The following UXS1 variants were observed in gnomAD, a reference collection of about 807,000 sequenced individuals.
UXS1 encodes the protein UDP-glucuronate decarboxylase 1, also known as UDP-glucuronic acid decarboxylase 1.
UXS1 carries 33 observed loss-of-function variants against 62.6 expected under a neutral mutation model. The observed-to-expected ratio is 0.53, with a 90% CI of 0.40 to 0.70. UXS1 has a LOEUF of 0.70. Among genes scored for constraint, UXS1 ranks in the 30% least tolerant of loss-of-function variants. The pLI is 0.00. For missense variants in UXS1, 434 were observed against 556.3 expected (o/e 0.78, Z 2.21); for synonymous variants, 213 against 206.8 (o/e 1.03, Z -0.26).
In UXS1 at chr2:106,169,523, C is replaced by T. The variant is rs573008253; in HGVS notation, c.95-3440G>A. Among the ~76,000 whole-genome samples the T allele has an allele frequency of 2.6e-5, 4 of 152,140 alleles. No individual in the cohort carries two copies. The South Asian group carries it at 6.2e-4, about 24-fold the overall frequency. ...GCCGGCCTGCGCAAACTGGTGAAAA[C>T]CCCATCTCAAAAAATTAGCCAGGGG... On this transcript the variant is annotated intron_variant, in intron 1 of 14. Transcript: ENST00000283148.
chr2:106,128,518 T>C (rs1680158673), intron 7 of UXS1, among the ~76,000 whole-genome samples: 1 of 152,156 alleles, frequency 6.6e-6, no homozygotes, highest in Non-Finnish European at 1.5e-5. Flanking sequence ...TCCAGTCCCT[T>C]ACAGGCTTGA....
chr2:106,170,124 C>T (rs1683459536), intron 1 of UXS1, among the ~76,000 whole-genome samples: 1 of 152,142 alleles, frequency 6.6e-6, no homozygotes, highest in Non-Finnish European at 1.5e-5. Context: ...CTCAGACCTC[C>T]ACGCTTCGCC....
intron 1 of UXS1, among the ~76,000 whole-genome samples, chr2:106,170,185 T>C (rs1248587406): frequency 6.6e-6 from 1 of 152,134 alleles, no homozygotes; most frequent in Non-Finnish European, 1.5e-5. Flanking sequence ...CATGTGACTC[T>C]CCACCTTCCC....
In UXS1 at chr2:106,187,523, C is replaced by A. The variant is rs1239418163; in HGVS notation, c.94+6625G>T. On this transcript the variant is annotated intron_variant, in intron 1 of 14. Transcript: ENST00000283148. ...GGCAAAACTGTACCGTAACCAAAGT[C>A]CCAACCTCAGGGAAGTTTGAAGTCT... is the stretch of plus-strand genomic sequence containing the variant. Among the ~76,000 whole-genome samples, 3 of 152,152 alleles carry A rather than the reference C, an allele frequency of 2.0e-5. No individual in the cohort carries two copies. The South Asian group carries it at 6.2e-4, about 32-fold the overall frequency.
At chr2:106,176,771 T>C (rs922695960) in intron 1 of UXS1, among the ~76,000 whole-genome samples, 4 of 152,226 alleles carry the variant, frequency 2.6e-5, no homozygotes, top group East Asian at 3.9e-4. Flanking sequence ...GCAACCGGCA[T>C]GCTCCAAGCC....
At chr2:106,110,519 A>C (rs924992841) in intron 10 of UXS1, among the ~76,000 whole-genome samples, 7 of 152,212 alleles carry the variant, frequency 4.6e-5, no homozygotes, top group African/African-American at 1.7e-4. Context: ...GCTGTCCTCG[A>C]GATGTGGAAT....
At chr2:106,098,067 C>CT in intron 13 of UXS1, among the ~76,000 whole-genome samples, 1 of 152,238 alleles carries the variant, frequency 6.6e-6, no homozygotes, top group East Asian at 1.9e-4. Flanking sequence ...CTTGGCCTAC[C>CT]TGCCAGTCTA....
intron 5 of UXS1, among the ~76,000 whole-genome samples, chr2:106,152,343 T>G (rs1015703607): frequency 1.3e-5 from 2 of 151,784 alleles, no homozygotes; most frequent in Non-Finnish European, 1.5e-5. Context: ...TCCCAGCTAC[T>G]TGGGAGGGTG....
intron 5 of UXS1, among the ~76,000 whole-genome samples, chr2:106,157,022 T>C (rs1332366768): frequency 1.3e-5 from 2 of 152,186 alleles, no homozygotes; most frequent in Non-Finnish European, 2.9e-5. Flanking sequence ...ATCCCACCTA[T>C]ATAAAATACC....
At chr2:106,109,476 A>G (rs926632210) in intron 10 of UXS1, among the ~76,000 whole-genome samples, 13 of 152,318 alleles carry the variant, frequency 8.5e-5, no homozygotes, top group African/African-American at 2.9e-4. Flanking sequence ...ATTCTACCAC[A>G]TCTGACCTGT....
chr2:106,160,837 T>C (rs1407517866), intron 4 of UXS1, among the ~76,000 whole-genome samples: 1 of 151,994 alleles, frequency 6.6e-6, no homozygotes, highest in African/African-American at 2.4e-5. Flanking sequence ...AAACGAAAAA[T>C]AGGTTGAGTT....
chr2:106,149,245 T>C (rs1681824107), intron 5 of UXS1, among the ~76,000 whole-genome samples: 2 of 152,134 alleles, frequency 1.3e-5, no homozygotes, highest in South Asian at 4.1e-4. Context: ...ATAAATTCTA[T>C]AATACTCAGC....
At chr2:106,095,069 A>G (rs1676965741) in intron 14 of UXS1, among the ~76,000 whole-genome samples, 1 of 152,220 alleles carries the variant, frequency 6.6e-6, no homozygotes, top group South Asian at 2.1e-4. Context: ...TAGAAGAGAA[A>G]CCAGTGGTAG....
intron 1 of UXS1, among the ~76,000 whole-genome samples, chr2:106,179,844 A>T (rs1169513155): frequency 6.6e-6 from 1 of 152,256 alleles, no homozygotes; most frequent in Non-Finnish European, 1.5e-5. Flanking sequence ...GTGGTGGCTC[A>T]TGCCTGTAAT....
At chr2:106,107,403 TCA>T (rs945388413) in intron 10 of UXS1, among the ~76,000 whole-genome samples, 12 of 152,178 alleles carry the variant, frequency 7.9e-5, no homozygotes, top group African/African-American at 2.7e-4. Flanking sequence ...ACACCGTCTC[TCA>T]GAGAGGAGCC....
intron 5 of UXS1, 86 bp from the exon 6 acceptor site, chr2:106,145,456 G>C: frequency 6.9e-7 from 1 of 1,457,446 alleles, no homozygotes; most frequent in Non-Finnish European, 9.1e-7. Context: ...AGACATCTCT[G>C]GTGCAGCCAC....
chr2:106,175,840 C>T (rs1212371491), intron 1 of UXS1, among the ~76,000 whole-genome samples: 5 of 152,164 alleles, frequency 3.3e-5, no homozygotes, highest in Admixed American at 3.3e-4. Context: ...TCCACCAAGC[C>T]CATGGGTATA....
intron 6 of UXS1, among the ~76,000 whole-genome samples, chr2:106,143,505 T>C (rs1558719659): frequency 1.3e-5 from 2 of 150,710 alleles, no homozygotes. Context: ...ACAGTAGTTT[T>C]CTATTGCTGC....
Position 106,123,035 on chromosome 2 carries a change from G to GT in UXS1, c.693dup (p.Pro232ThrfsTer7), listed in dbSNP as rs1392742244. The GT allele has an allele frequency of 2.5e-6, 4 of 1,613,924 alleles. No homozygotes were observed. The highest frequency in any genetic ancestry group is 3.4e-6 in the Non-Finnish European group (4 of 1,179,902). On this transcript the variant is annotated frameshift_variant, in exon 9 of 15. Coordinates refer to ENST00000283148, the MANE Select transcript of UXS1 (RefSeq NM_001253875.2). LOFTEE classifies it high-confidence loss of function. The stretch of plus-strand genomic sequence containing the variant: ...TTGCCTTCATCGTAGCAGGCCCGAG[G>GT]TCCTATTGGATTCACGTGGCCCCAG...
Sources: gnomAD v4.1 joint callset for allele counts (sites outside exome capture counted in the v4.1 genomes callset) on GRCh38, gnomAD v4.1.1 for gene constraint, MANE v1.5 for transcripts, NCBI Gene and HGNC (gene_info 2026-07-23, HGNC 2026-07-21) for gene names.